HDAC9: variants seen among roughly 807,000 people sequenced by gnomAD.
The protein encoded by HDAC9 is histone deacetylase 9.
Under a neutral mutation model 139.4 loss-of-function variants are expected in HDAC9, and 41 were observed. The ratio of observed to expected loss-of-function variants is 0.29; its 90% CI spans 0.23 to 0.38. HDAC9 has a LOEUF of 0.38. Ranked by LOEUF, HDAC9 falls within the 10% of genes least tolerant of loss-of-function variation. The pLI is 1.00. For missense variants in HDAC9, 1,147 were observed against 1,297.0 expected (o/e 0.88, Z 1.78); for synonymous variants, 517 against 476.2 (o/e 1.09, Z -1.12).
chr7:18,748,269 G>A (rs1470053067), intron 13 of HDAC9, among the ~76,000 whole-genome samples: 1 of 152,160 alleles, frequency 6.6e-6, no homozygotes, highest in African/African-American at 2.4e-5. Flanking sequence ...ACTTGAAAAT[G>A]AAATATGCTA....
intron 1 of HDAC9, among the ~76,000 whole-genome samples, chr7:18,449,920 C>G (rs1296678182): frequency 6.6e-6 from 1 of 152,114 alleles, no homozygotes; most frequent in Non-Finnish European, 1.5e-5. Context: ...TAGAATCAGA[C>G]TTTTAAAATA....
chr7:18,320,887 G>C lies in HDAC9; in HGVS notation c.-42+30372G>C, dbSNP rs554566777. On this transcript the variant is annotated intron_variant, in intron 1 of 3. Coordinates refer to the HDAC9 transcript ENST00000413509. ...CTCAAGCAGTCCCATAAACTTTTTAGGAGAACTTTCCAATTGTCCACTTTC... is the reference window on the plus strand; with the variant it reads ...CTCAAGCAGTCCCATAAACTTTTTACGAGAACTTTCCAATTGTCCACTTTC... 2.6e-5 allele frequency among the ~76,000 whole-genome samples: 4 copies of C among 152,230 alleles called. No homozygotes were observed. In the East Asian group the frequency reaches 5.8e-4, roughly 22 times the overall value.
At chr7:18,858,274 T>C (rs1221464036) in intron 21 of HDAC9, among the ~76,000 whole-genome samples, 5 of 152,170 alleles carry the variant, frequency 3.3e-5, no homozygotes, top group African/African-American at 1.2e-4. Context: ...CTGGGTAGTT[T>C]ATAAAGGAAA....
chr7:18,904,586 T>G (rs1191843899), intron 22 of HDAC9, among the ~76,000 whole-genome samples: 1 of 143,340 alleles, frequency 7.0e-6, no homozygotes, highest in Non-Finnish European at 1.5e-5. Flanking sequence ...TTTTTTTTTT[T>G]TTTTTTTTTT....
intron 1 of HDAC9, among the ~76,000 whole-genome samples, chr7:18,109,042 A>T (rs1375030659): frequency 2.0e-5 from 3 of 152,324 alleles, no homozygotes; most frequent in African/African-American, 7.2e-5. Context: ...CATGAAAGGA[A>T]TAAGGTACCA....
intron 6 of HDAC9, among the ~76,000 whole-genome samples, chr7:18,606,810 A>G (rs801513): frequency 0.9 from 137,266 of 152,198 alleles, 62,004 homozygotes; most frequent in South Asian, 0.95. Context: ...ATTTTAAGAT[A>G]CTCATTTTTT....
chr7:18,088,551 GAAAT>G (rs1781944396), intron 1 of HDAC9, among the ~76,000 whole-genome samples: 4 of 152,174 alleles, frequency 2.6e-5, no homozygotes, highest in Non-Finnish European at 4.4e-5. Context: ...TGATGCCCCA[GAAAT>G]CTTTCTAATC....
chr7:18,676,279 A>G (rs963327346), intron 12 of HDAC9, among the ~76,000 whole-genome samples: 1 of 152,012 alleles, frequency 6.6e-6, no homozygotes, highest in Non-Finnish European at 1.5e-5. Flanking sequence ...TGGAATCAGC[A>G]TGAAATAAAG....
intron 2 of HDAC9, among the ~76,000 whole-genome samples, chr7:18,247,645 G>T (rs1160271850): frequency 7.2e-5 from 11 of 152,170 alleles, no homozygotes; most frequent in Admixed American, 7.2e-4. Flanking sequence ...ACCTTCACTA[G>T]AAAGCTCCAT....
At chr7:18,371,172 T>C (rs1784565385) in intron 1 of HDAC9, among the ~76,000 whole-genome samples, 2 of 152,184 alleles carry the variant, frequency 1.3e-5, no homozygotes, top group Admixed American at 6.5e-5. Context: ...ACCTTGCCAG[T>C]TGCTCCGCAG....
chr7:18,876,692 G>A (rs1476985893), intron 22 of HDAC9, among the ~76,000 whole-genome samples: 1 of 148,458 alleles, frequency 6.7e-6, no homozygotes, highest in Admixed American at 6.9e-5. Flanking sequence ...TCATAAAATG[G>A]ATGAGAATAG....
intron 2 of HDAC9, among the ~76,000 whole-genome samples, chr7:18,547,858 A>ACCCTCCCT (rs1166744165): frequency 3.7e-4 from 10 of 26,742 alleles, no homozygotes; most frequent in Non-Finnish European, 5.5e-4. Flanking sequence ...CTTCCTTCCT[A>ACCCTCCCT]CCCTCCCTCC....
chr7:18,990,505 G>C (rs887121522), intron 25 of HDAC9, among the ~76,000 whole-genome samples: 13 of 152,344 alleles, frequency 8.5e-5, no homozygotes, highest in African/African-American at 3.1e-4. Flanking sequence ...CTTTTTGTTT[G>C]TCTGTGCCCT....
intron 2 of HDAC9, among the ~76,000 whole-genome samples, chr7:18,536,505 T>G (rs903386816): frequency 6.6e-6 from 1 of 152,252 alleles, no homozygotes; most frequent in Non-Finnish European, 1.5e-5. Context: ...ATTTTCAGGA[T>G]GACCCACATT....
chr7:18,374,782 CAT>C (rs1299135121), intron 1 of HDAC9, among the ~76,000 whole-genome samples: 2 of 151,952 alleles, frequency 1.3e-5, no homozygotes, highest in Non-Finnish European at 2.9e-5. Flanking sequence ...AATATACAGT[CAT>C]GTGCTGCATA....
intron 1 of HDAC9, among the ~76,000 whole-genome samples, chr7:18,485,114 T>C (rs1366937702): frequency 6.6e-6 from 1 of 152,086 alleles, no homozygotes; most frequent in Non-Finnish European, 1.5e-5. Context: ...AAAACATTAG[T>C]TGGGGGGAAC....
intron 1 of HDAC9, among the ~76,000 whole-genome samples, chr7:18,442,107 G>A (rs1791833245): frequency 6.6e-6 from 1 of 152,010 alleles, no homozygotes; most frequent in Non-Finnish European, 1.5e-5. Context: ...GTGACATAGA[G>A]GGGAAATTAG....
intron 2 of HDAC9, among the ~76,000 whole-genome samples, chr7:18,572,951 C>T (rs1824787228): frequency 6.6e-6 from 1 of 152,168 alleles, no homozygotes; most frequent in Non-Finnish European, 1.5e-5. Flanking sequence ...AGCATATTTG[C>T]AGACAGGGAG....
chr7:18,791,580 A>T (rs1008892313), intron 16 of HDAC9, among the ~76,000 whole-genome samples: 1 of 152,028 alleles, frequency 6.6e-6, no homozygotes, highest in Non-Finnish European at 1.5e-5. Context: ...TGATTCCTTC[A>T]CTCTTTAGCT....
Sources: gnomAD v4.1 joint callset for allele counts (sites outside exome capture counted in the v4.1 genomes callset) on GRCh38, gnomAD v4.1.1 for gene constraint, MANE v1.5 for transcripts, NCBI Gene and HGNC (gene_info 2026-07-23, HGNC 2026-07-21) for gene names.